The following MINAR1 variants were observed in gnomAD, a reference collection of about 807,000 sequenced individuals.
MINAR1 encodes major intrinsically disordered Notch2-binding receptor 1.
Under a neutral mutation model 65.1 loss-of-function variants are expected in MINAR1, and 40 were observed. That is an observed-to-expected ratio of 0.61 (90% CI 0.48 to 0.80). The LOEUF (loss-of-function observed/expected upper bound fraction) is 0.80. Among genes scored for constraint, MINAR1 ranks in the 30% least tolerant of loss-of-function variants. The pLI is 0.00. For missense variants in MINAR1, 1,128 were observed against 1,148.0 expected, an observed-to-expected ratio of 0.98 and a Z score of 0.25; for synonymous variants, 482 against 449.1, an observed-to-expected ratio of 1.07 and a Z score of -0.93.
In MINAR1 at chr15:79,468,379, T is replaced by TC. The variant is rs778886401; in HGVS notation, c.2747dup (p.Ter917MetfsTer3). The stretch of plus-strand genomic sequence containing the variant: ...TGTCGTGCCCATCTGCACAATGAAA[T>TC]CATGAGCTAAGAATGCAACCTTACG... On this transcript the variant is annotated frameshift_variant, in exon 4 of 4. Transcript: ENST00000305428. LOFTEE classifies it high-confidence loss of function. 1 of 1,613,766 alleles carries TC rather than the reference T, an allele frequency of 6.2e-7. No homozygotes were observed. The highest frequency in any genetic ancestry group is 8.5e-7 in the Non-Finnish European group (1 of 1,179,892).
chr15:79,457,290 G>A lies in MINAR1; in HGVS notation c.1143G>A (p.Arg381=). 1 of 1,614,122 alleles carries A rather than the reference G, an allele frequency of 6.2e-7. No individual in the cohort carries two copies. The highest frequency in any genetic ancestry group is 8.5e-7 in the Non-Finnish European group (1 of 1,180,030). The part of the protein sequence containing the change: ...LNTEEVPDFE[R]SFFNRNPSEE... ...CAGAGGAAGTTCCTGACTTTGAACGGTCCTTTTTCAATAGAAATCCCTCCG... is the reference window on the plus strand; with the variant it reads ...CAGAGGAAGTTCCTGACTTTGAACGATCCTTTTTCAATAGAAATCCCTCCG... The change falls in exon 2 of 4, where the codon CGG becomes CGA. Residue 381 remains arginine (R), a synonymous_variant. Transcript: ENST00000305428.
Position 79,457,954 on chromosome 15 carries a change from A to G in MINAR1, c.1807A>G (p.Ile603Val), listed in dbSNP as rs1409620093. 6.2e-7 allele frequency: 1 copy of G among 1,613,976 alleles called. No homozygotes were observed. ...CAGTGTGTGCAAACTGGTGCTCAGGATTGGCGAAATTGAACGGAAGCTGGA... is the reference window on the plus strand; with the variant it reads ...CAGTGTGTGCAAACTGGTGCTCAGGGTTGGCGAAATTGAACGGAAGCTGGA... ...KTSVCKLVLR[I>V]GEIERKLESL... Residue 603 changes from isoleucine to valine, a missense_variant, in exon 2 of 4, where the codon ATT (isoleucine) becomes GTT (valine). Transcript: ENST00000305428.
intron 2 of MINAR1, among the ~76,000 whole-genome samples, chr15:79,459,623 C>T (rs577216839): frequency 1.3e-5 from 2 of 152,242 alleles, no homozygotes; most frequent in African/African-American, 4.8e-5. Context: ...GGGCTACAGA[C>T]ATTCAAAGCC....
intron 1 of MINAR1, among the ~76,000 whole-genome samples, chr15:79,452,526 CTGGGTGAGTGTGTGGGTGTGTG>C (rs1895248157): frequency 7.7e-6 from 1 of 129,540 alleles, no homozygotes; most frequent in Non-Finnish European, 1.7e-5. Flanking sequence ...ATGGGTATGA[CTGGGTGAGTGTGTGGGTGTGTG>C]TGGGTGAGTC....
chr15:79,434,483 C>T (rs1172349177), intron 1 of MINAR1, among the ~76,000 whole-genome samples: 1 of 152,204 alleles, frequency 6.6e-6, no homozygotes, highest in Non-Finnish European at 1.5e-5. Context: ...AAAATGAGCC[C>T]TTTCTCAAAT....
rs966326255 is a variant in MINAR1 at position 79,471,419 on chromosome 15, G to T, written c.*3035G>T. The T allele has an allele frequency of 1.3e-5, 2 of 152,452 alleles. No homozygotes were observed. Among genetic ancestry groups the T allele is most frequent in the Non-Finnish European group, 2.9e-5 (2 of 67,988 alleles). The allele number at this position is 152,452 out of a possible 1,614,324, so 9.4% of individuals were successfully genotyped here. A position where few individuals can be genotyped will look rare whatever the true frequency, so the allele number is the denominator to read the frequency against. On this transcript the variant is annotated 3_prime_UTR_variant, in exon 4 of 4. Coordinates refer to ENST00000305428, the MANE Select transcript of MINAR1 (RefSeq NM_015206.3). Reference sequence around the variant, plus strand: ...GTTTTGAACACAGCCTTGCAGAAAAGCAAAAAATATTTCCCCGCTCAAATT... The same window carrying T: ...GTTTTGAACACAGCCTTGCAGAAAATCAAAAAATATTTCCCCGCTCAAATT...
rs1421978480 is a variant in MINAR1 at position 79,456,419 on chromosome 15, T to G, written c.272T>G (p.Phe91Cys). The G allele has an allele frequency of 1.2e-6, 2 of 1,614,208 alleles. No individual in the cohort carries two copies. Among genetic ancestry groups the G allele is most frequent in the Non-Finnish European group, 1.7e-6 (2 of 1,180,042 alleles). The change falls in exon 2 of 4, where the codon TTC becomes TGC. Residue 91 changes from phenylalanine (F) to cysteine (C), a missense_variant. Physicochemically the swap from Phe to Cys is radical, Grantham distance 205. Transcript: ENST00000305428. Reference protein sequence around the residue: ...IMVAADIVTIFNLIQMNGGAA... With the variant: ...IMVAADIVTICNLIQMNGGAA... The stretch of plus-strand genomic sequence containing the variant: ...GTGGCAGCAGATATTGTGACGATAT[T>G]CAACCTGATCCAAATGAATGGCGGG...
intron 1 of MINAR1, among the ~76,000 whole-genome samples, chr15:79,453,845 A>G (rs955494262): frequency 6.6e-6 from 1 of 152,202 alleles, no homozygotes; most frequent in African/African-American, 2.4e-5. Flanking sequence ...TTTGCCATGC[A>G]AAGTAGGATA....
chr15:79,457,294 T>G lies in MINAR1; in HGVS notation c.1147T>G (p.Phe383Val). 6.2e-7 allele frequency: 1 copy of G among 1,614,172 alleles called. No individual in the cohort carries two copies. The highest frequency in any genetic ancestry group is 1.1e-5 in the South Asian group (1 of 91,080). ...TEEVPDFERS[F>V]FNRNPSEEKL... ...GGAAGTTCCTGACTTTGAACGGTCC[T>G]TTTTCAATAGAAATCCCTCCGAGGA... Residue 383 changes from phenylalanine (F) to valine (V), a missense_variant, in exon 2 of 4, where the codon TTT (phenylalanine) becomes GTT (valine). By Grantham distance (50) the Phe-to-Val change is conservative. Coordinates refer to ENST00000305428, the MANE Select transcript of MINAR1 (RefSeq NM_015206.3).
chr15:79,461,544 C>A (rs1302256373), intron 2 of MINAR1, among the ~76,000 whole-genome samples: 2 of 152,202 alleles, frequency 1.3e-5, no homozygotes, highest in Non-Finnish European at 2.9e-5. Flanking sequence ...CTGGTGAAGT[C>A]TCTTAGAAGA....
chr15:79,415,233 T>C, the MINAR1 span: 4 of 152,136 alleles, frequency 2.6e-5, no homozygotes, highest in African/African-American at 9.7e-5. Flanking sequence ...TAGTCTGGAA[T>C]AGGGACAGGC....
chr15:79,453,002 T>C lies in MINAR1; in HGVS notation c.-50-3096T>C, dbSNP rs115938166. ...CCTGGGACATATGTGCATGCACATATGTCCCAGGGCAGTTTGCTCAGCCCC... is the reference window on the plus strand; with the variant it reads ...CCTGGGACATATGTGCATGCACATACGTCCCAGGGCAGTTTGCTCAGCCCC... On this transcript the variant is annotated intron_variant, in intron 1 of 3. Coordinates refer to ENST00000305428, the MANE Select transcript of MINAR1 (RefSeq NM_015206.3). Among the ~76,000 whole-genome samples the C allele has an allele frequency of 3.6e-3, 547 of 151,492 alleles. 1 individual carries two copies. The highest frequency in any genetic ancestry group is 7.8e-3 in the African/African-American group (324 of 41,322).
At position 79,468,421 on chromosome 15, in the gene MINAR1, C is replaced by A; in HGVS notation, c.*37C>A. On this transcript the variant is annotated 3_prime_UTR_variant, in exon 4 of 4. Transcript: ENST00000305428. ...AACCTTACGTACAGCTTATGACTACCAATGTCGTCGTCTGTATCTTAGAAT... is the reference window on the plus strand; with the variant it reads ...AACCTTACGTACAGCTTATGACTACAAATGTCGTCGTCTGTATCTTAGAAT... The A allele has an allele frequency of 6.4e-7, 1 of 1,571,688 alleles. No individual in the cohort carries two copies. Among genetic ancestry groups the A allele is most frequent in the Admixed American group, 1.7e-5 (1 of 58,166 alleles).
At chr15:79,434,481 C>T (rs1894539511) in intron 1 of MINAR1, among the ~76,000 whole-genome samples, 5 of 152,216 alleles carry the variant, frequency 3.3e-5, no homozygotes, top group Admixed American at 2.0e-4. Context: ...CCAAAATGAG[C>T]CCTTTCTCAA....
At chr15:79,447,441 G>T (rs563199006) in intron 1 of MINAR1, among the ~76,000 whole-genome samples, 3 of 150,420 alleles carry the variant, frequency 2.0e-5, no homozygotes, top group East Asian at 3.9e-4. Flanking sequence ...AAGTATATTT[G>T]TATCTTCTTT....
rs553635139 is a variant in MINAR1 at position 79,433,076 on chromosome 15, A to T, written c.-51+536A>T. The stretch of plus-strand genomic sequence containing the variant: ...CCCGAGGGTTTGATAAGGATGCTCA[A>T]CTTCACCTGTCAGAAAGCACGGGAG... On this transcript the variant is annotated intron_variant, in intron 1 of 3. Transcript: ENST00000305428. 2.6e-5 allele frequency among the ~76,000 whole-genome samples: 4 copies of T among 152,322 alleles called. No individual in the cohort carries two copies. The South Asian group carries it at 6.2e-4, about 24-fold the overall frequency.
At position 79,457,537 on chromosome 15, in the gene MINAR1, A is replaced by C. The variant is rs1895477103; in HGVS notation, c.1390A>C (p.Ser464Arg). The C allele has an allele frequency of 1.9e-6, 3 of 1,614,212 alleles. No individual in the cohort carries two copies. The highest frequency in any genetic ancestry group is 1.6e-4 in the Middle Eastern group (1 of 6,062). Residue 464 changes from serine (S) to arginine (R), a missense_variant, in exon 2 of 4, where the codon AGT becomes CGT. Physicochemically the swap from Ser to Arg is moderately radical, Grantham distance 110. Transcript: ENST00000305428. ...TAAAGACAAGAGCATTAACTGCACC[A>C]GTGGGCAGCTCAGCTCAGACACCAG... Reference protein sequence around the residue: ...KFKDKSINCTSGQLSSDTSSV... With the variant: ...KFKDKSINCTRGQLSSDTSSV...
chr15:79,449,384 C>T (rs1895119511), intron 1 of MINAR1, among the ~76,000 whole-genome samples: 1 of 152,216 alleles, frequency 6.6e-6, no homozygotes, highest in Non-Finnish European at 1.5e-5. Flanking sequence ...TAACAGAATA[C>T]ATGAGACTAG....
rs1896025314 is a variant in MINAR1, at chr15:79,470,116, A to G, written c.*1732A>G. ...TATCATGTTTATGTATGGATTTTCA[A>G]TTTCAGTAACCGAAAACTTAAGCCT... is the stretch of plus-strand genomic sequence containing the variant. On this transcript the variant is annotated 3_prime_UTR_variant, in exon 4 of 4. Coordinates refer to ENST00000305428, the MANE Select transcript of MINAR1 (RefSeq NM_015206.3). 6.6e-6 allele frequency: 1 copy of G among 152,540 alleles called. No homozygotes were observed. The highest frequency in any genetic ancestry group is 2.1e-4 in the South Asian group (1 of 4,828). The allele number at this position is 152,540 out of a possible 1,614,324, so 9.4% of individuals were successfully genotyped here.
Sources: gnomAD v4.1 joint callset for allele counts (sites outside exome capture counted in the v4.1 genomes callset) on GRCh38, gnomAD v4.1.1 for gene constraint, MANE v1.5 for transcripts, NCBI Gene and HGNC (gene_info 2026-07-23, HGNC 2026-07-21) for gene names.